IAH1: variants seen among roughly 807,000 people sequenced by gnomAD.
IAH1 encodes isoamyl acetate-hydrolyzing esterase 1 homolog.
In IAH1, 24 loss-of-function variants were observed where a neutral mutation model predicts 26.7. That is an observed-to-expected ratio of 0.90 (90% CI 0.65 to 1.26). The LOEUF is 1.26. Among genes scored for constraint, IAH1 ranks in the 50% most tolerant of loss-of-function variants. The pLI, the probability that IAH1 is intolerant of heterozygous loss-of-function variation, is 0.00. For synonymous variants in IAH1, 140 were observed against 118.5 expected (o/e 1.18, Z -1.18); for missense variants, 300 against 299.9 (o/e 1.00, Z 0.00).
At chr2:9,500,705 T>C (rs1445764378), downstream of IAH1, among the ~76,000 whole-genome samples, 1 of 151,952 alleles carries the variant, frequency 6.6e-6, no homozygotes, top group Admixed American at 6.6e-5. Flanking sequence ...ACAATTTAAG[T>C]CAAAAAACAT....
At chr2:9,484,100 C>T (rs868521081) in intron 4 of IAH1, among the ~76,000 whole-genome samples, 23 of 152,176 alleles carry the variant, frequency 1.5e-4, no homozygotes, top group Non-Finnish European at 3.2e-4. Context: ...CTCCTGCAGC[C>T]GGCACTCTCC....
At chr2:9,495,678 C>T (rs1662523413) in intron 6 of IAH1, among the ~76,000 whole-genome samples, 1 of 150,438 alleles carries the variant, frequency 6.6e-6, no homozygotes, top group African/African-American at 2.5e-5. Context: ...CGCGCCACTG[C>T]ACTCCAGCCT....
intron 5 of IAH1, among the ~76,000 whole-genome samples, chr2:9,487,833 T>TGTGTGTGTGCGCGC (rs1192269311): frequency 3.6e-5 from 3 of 82,706 alleles, no homozygotes; most frequent in East Asian, 3.5e-4. Flanking sequence ...TGTGTGTGTG[T>TGTGTGTGTGCGCGC]GCGCGCGCGC....
At chr2:9,484,647 G>C in intron 5 of IAH1, 97 bp downstream of exon 5, 1 of 778,720 alleles carries the variant, frequency 1.3e-6, no homozygotes, top group East Asian at 2.6e-5. Flanking sequence ...GCCCTGCTTA[G>C]CTAAGACAGT....
At chr2:9,510,676 A>G in the IAH1 span, among the ~76,000 whole-genome samples, 1 of 151,574 alleles carries the variant, frequency 6.6e-6, no homozygotes, top group Non-Finnish European at 1.5e-5. Context: ...AAAAAAAAAA[A>G]AAAAAATTAG....
intron 4 of IAH1, among the ~76,000 whole-genome samples, chr2:9,483,619 G>C (rs969814859): frequency 1.3e-5 from 2 of 151,926 alleles, no homozygotes; most frequent in Non-Finnish European, 2.9e-5. Context: ...TCCGCCTCTC[G>C]CCAGCCCTCA....
downstream of IAH1, among the ~76,000 whole-genome samples, chr2:9,493,280 T>C (rs1662308158): frequency 1.3e-5 from 2 of 152,214 alleles, no homozygotes; most frequent in Non-Finnish European, 2.9e-5. Context: ...TAGTAAATGC[T>C]TAAGAAGACA....
chr2:9,488,809 G>A lies in IAH1; in HGVS notation c.*480G>A, dbSNP rs535134179. 1 of 152,350 alleles carries A rather than the reference G, an allele frequency of 6.6e-6. No homozygotes were observed. The highest frequency in any genetic ancestry group is 6.5e-5 in the Admixed American group (1 of 15,296). The allele number at this position is 152,350 out of a possible 1,614,324, so 9.4% of individuals were successfully genotyped here. On this transcript the variant is annotated 3_prime_UTR_variant, in exon 6 of 6. Transcript: ENST00000497473. ...GAGTAACAAATGTCCTTGGAAATGG[G>A]GGGTAGGAGGAGATATGATTAGTCA... is the stretch of plus-strand genomic sequence containing the variant.
chr2:9,502,294 A>G, the IAH1 span: 1 of 1,587,686 alleles, frequency 6.3e-7, no homozygotes. Flanking sequence ...AGAACAGCAG[A>G]CAGGAACAGA....
At chr2:9,497,210 C>T (rs1040444658), downstream of IAH1, 3 of 1,614,132 alleles carry the variant, frequency 1.9e-6, no homozygotes, top group Non-Finnish European at 2.5e-6. Context: ...ACAGTGTCAT[C>T]TTCAGCATTT....
chr2:9,502,054 A>G, the IAH1 span: 1 of 884,928 alleles, frequency 1.1e-6, no homozygotes. Flanking sequence ...CAGAAACTCA[A>G]CCCGGCATAT....
chr2:9,474,424 G>A (rs1572822900), upstream of IAH1: 1 of 440,462 alleles, frequency 2.3e-6, no homozygotes. This position sits in a 1 kb window ranked among gnomAD's most constrained non-coding sequence, Gnocchi z 4.3. Flanking sequence ...TCTTGCAAAC[G>A]GACTCCAAGG....
chr2:9,498,091 G>GT (rs1662743309), downstream of IAH1, among the ~76,000 whole-genome samples: 1 of 152,198 alleles, frequency 6.6e-6, no homozygotes, highest in Non-Finnish European at 1.5e-5. Context: ...AGGCAGGGGT[G>GT]TGATCATAGC....
downstream of IAH1, chr2:9,491,088 A>G (rs377163769): frequency 1.1e-4 from 185 of 1,610,056 alleles, no homozygotes; most frequent in Non-Finnish European, 1.4e-4. Flanking sequence ...TTTCTTTCAT[A>G]TGGTATACTT....
At chr2:9,497,627 A>T (rs1662710195), downstream of IAH1, among the ~76,000 whole-genome samples, 1 of 152,232 alleles carries the variant, frequency 6.6e-6, no homozygotes. Context: ...TTCATCGCAC[A>T]CAACTCTCCC....
chr2:9,490,412 G>A (rs55796712), downstream of IAH1: 22,408 of 1,614,154 alleles, frequency 0.014, 221 homozygotes, highest in Middle Eastern at 0.029. Context: ...TGCTGGCGCC[G>A]AAGGGATCAC....
chr2:9,474,207 G>A (rs1384068541), upstream of IAH1, among the ~76,000 whole-genome samples: 3 of 151,048 alleles, frequency 2.0e-5, no homozygotes, highest in African/African-American at 4.9e-5. This position sits in a 1 kb window ranked among gnomAD's most constrained non-coding sequence, Gnocchi z 4.3. Flanking sequence ...GCAGCCCTCC[G>A]CCCCACCGAG....
At chr2:9,477,678 TCCC>T (rs1553351219) in intron 2 of IAH1, among the ~76,000 whole-genome samples, 2 of 150,204 alleles carry the variant, frequency 1.3e-5, no homozygotes, top group African/African-American at 4.9e-5. Flanking sequence ...TTTTTTTTTT[TCCC>T]CCATTACACC....
the IAH1 span, among the ~76,000 whole-genome samples, chr2:9,503,091 G>A: frequency 9.9e-5 from 14 of 141,914 alleles, no homozygotes; most frequent in East Asian, 2.7e-3. Flanking sequence ...GGTGAGCCAA[G>A]ATCGCGCCAC....
Sources: gnomAD v4.1 joint callset for allele counts (sites outside exome capture counted in the v4.1 genomes callset) on GRCh38, gnomAD v4.1.1 for gene constraint, Gnocchi (gnomAD v3.1) non-coding constraint, MANE v1.5 for transcripts, NCBI Gene and HGNC (gene_info 2026-07-23, HGNC 2026-07-21) for gene names.